The following ZC4H2 variants were observed in gnomAD, a reference collection of about 807,000 sequenced individuals.
ZC4H2 encodes the protein zinc finger C4H2-type containing.
For synonymous variants in ZC4H2, 84 were observed against 66.3 expected, an observed-to-expected ratio of 1.27 and a Z score of -1.30; for missense variants, 137 against 173.9, an observed-to-expected ratio of 0.79 and a Z score of 1.19.
chrX:65,028,010 T>A (rs1240199088), intron 1 of ZC4H2, among the ~76,000 whole-genome samples: 1 of 112,114 alleles, frequency 8.9e-6, no homozygotes, highest in Non-Finnish European at 1.9e-5. Context: ...GTGGTTTTTA[T>A]CCCTCTCTGC....
intron 1 of ZC4H2, among the ~76,000 whole-genome samples, chrX:64,925,310 A>T (rs1602385381): frequency 8.9e-6 from 1 of 112,250 alleles, no homozygotes; most frequent in African/African-American, 3.2e-5. Flanking sequence ...CCTATTGGGT[A>T]CAATGTTCAC....
At chrX:64,932,517 C>A (rs965261722) in intron 1 of ZC4H2, among the ~76,000 whole-genome samples, 4 of 111,458 alleles carry the variant, frequency 3.6e-5, no homozygotes, top group Non-Finnish European at 7.5e-5. Context: ...TTTCTTTCAA[C>A]ATTTAGAACT....
intron 1 of ZC4H2, 77 bp downstream of exon 1, chrX:64,976,248 C>A: frequency 9.0e-7 from 1 of 1,109,016 alleles, no homozygotes; most frequent in Non-Finnish European, 1.2e-6. Flanking sequence ...AGACAAACAG[C>A]CCAACAATAG....
intron 1 of ZC4H2, among the ~76,000 whole-genome samples, chrX:65,018,429 T>G (rs757446240): frequency 8.9e-6 from 1 of 112,047 alleles, no homozygotes; most frequent in Admixed American, 9.4e-5. Context: ...CACAAAGGGT[T>G]GGTGGATTTC....
intron 1 of ZC4H2, among the ~76,000 whole-genome samples, chrX:64,957,804 A>G (rs767124268): frequency 1.4e-4 from 16 of 111,048 alleles, no homozygotes; most frequent in East Asian, 5.7e-4. Flanking sequence ...CAAGGCTTCA[A>G]TGAGCCATGA....
chrX:64,988,663 T>A (rs777272235), intron 1 of ZC4H2, among the ~76,000 whole-genome samples: 1 of 111,171 alleles, frequency 9.0e-6, no homozygotes, highest in Non-Finnish European at 1.9e-5. Context: ...TTTCTCCCAT[T>A]CTGTAGGTTG....
intron 1 of ZC4H2, among the ~76,000 whole-genome samples, chrX:64,997,652 G>A (rs1329493452): frequency 2.7e-5 from 3 of 112,162 alleles, no homozygotes; most frequent in Non-Finnish European, 5.6e-5. Context: ...CTATTGCCCA[G>A]GATGGAGTGC....
intron 1 of ZC4H2, among the ~76,000 whole-genome samples, chrX:64,972,887 C>G (rs980376565): frequency 1.1e-4 from 12 of 111,993 alleles, no homozygotes; most frequent in African/African-American, 3.9e-4. Context: ...ATTTATAGTA[C>G]TTTCTCCATT....
chrX:65,020,682 A>G (rs1409342623), intron 1 of ZC4H2, among the ~76,000 whole-genome samples: 1 of 111,844 alleles, frequency 8.9e-6, no homozygotes, highest in Admixed American at 9.5e-5. Flanking sequence ...CAAAGATAAC[A>G]ATATTAACCT....
chrX:64,945,192 T>A (rs1930470080), intron 1 of ZC4H2, among the ~76,000 whole-genome samples: 1 of 112,976 alleles, frequency 8.9e-6, no homozygotes, highest in Admixed American at 9.3e-5. Flanking sequence ...TTTTTTGCAC[T>A]GGTTTTTCCT....
upstream of ZC4H2, among the ~76,000 whole-genome samples, chrX:64,981,426 A>G (rs1161535651): frequency 1.8e-5 from 2 of 111,183 alleles, no homozygotes; most frequent in African/African-American, 6.5e-5. Context: ...TTACAGTAGT[A>G]ATAGTAGATA....
rs775538589 is a variant in ZC4H2 at position 65,024,830 on chromosome X, C to T, written c.-272+9799G>A. 3.1e-4 allele frequency among the ~76,000 whole-genome samples: 35 copies of T among 111,392 alleles called. 1 individual carries two copies. The Admixed American group carries it at 3.2e-3, about 10-fold the overall frequency. On this transcript the variant is annotated intron_variant, in intron 1 of 4. Transcript: ENST00000337990. ...CCACATATTCTCACTTGTAAGTTGC[C>T]GCTAAACATTGAGTAGACATGAATG...
rs58094683 is a variant in ZC4H2 at position 64,999,039 on chromosome X, GTTTTTTTTTTTTT to G, written c.-272+35577_-272+35589del. The stretch of plus-strand genomic sequence containing the variant: ...TAGACAGCATACAGTTGGATTATGT[GTTTTTTTTTTTTT>G]TTTTTTTTTTTTTTTTAATCTATTC... On this transcript the variant is annotated intron_variant, in intron 1 of 4. Coordinates refer to the ZC4H2 transcript ENST00000337990. Among the ~76,000 whole-genome samples, 26 of 11,852 alleles carry G rather than the reference GTTTTTTTTTTTTT, an allele frequency of 2.2e-3. 1 individual carries two copies. In the South Asian group the frequency reaches 0.14, roughly 66 times the overall value. The allele number at this position is 11,852 out of a possible 115,157, so 10.3% of individuals were successfully genotyped here.
chrX:64,972,783 T>C lies in ZC4H2; in HGVS notation c.53+3542A>G, dbSNP rs201043306. On this transcript the variant is annotated intron_variant, in intron 1 of 4. Transcript: ENST00000374839. ...AAATTAAAAGGTGCTTGACAAATGT[T>C]AGTTCCTTTCTTCAGTTTCTTTGAC... Among the ~76,000 whole-genome samples, 44 of 111,933 alleles carry C rather than the reference T, an allele frequency of 3.9e-4. No homozygotes were observed. In the East Asian group the frequency reaches 0.011, roughly 29 times the overall value.
Position 64,999,769 on chromosome X carries a change from C to T in ZC4H2, c.-272+34860G>A, listed in dbSNP as rs749615285. On this transcript the variant is annotated intron_variant, in intron 1 of 4. Coordinates refer to the ZC4H2 transcript ENST00000337990. ...GCTTGGTAGGGGGACGGGCATCCACCATTACTGAGGCTTGAGTAGGCACTT... is the reference window on the plus strand; with the variant it reads ...GCTTGGTAGGGGGACGGGCATCCACTATTACTGAGGCTTGAGTAGGCACTT... Among the ~76,000 whole-genome samples, 13 of 112,122 alleles carry T rather than the reference C, an allele frequency of 1.2e-4. No individual in the cohort carries two copies. In the East Asian group the frequency reaches 3.7e-3, roughly 32 times the overall value.
At chrX:64,964,188 G>A (rs1251676828) in intron 1 of ZC4H2, among the ~76,000 whole-genome samples, 1 of 107,911 alleles carries the variant, frequency 9.3e-6, no homozygotes, top group Admixed American at 9.9e-5. Context: ...CAAGTTCTGT[G>A]ACCTTACCAC....
At chrX:64,923,045 AT>A (rs1929278445) in intron 1 of ZC4H2, among the ~76,000 whole-genome samples, 1 of 111,773 alleles carries the variant, frequency 8.9e-6, no homozygotes, top group South Asian at 3.8e-4. Flanking sequence ...TTGGGAATAT[AT>A]TTTAAGGAGG....
intron 1 of ZC4H2, among the ~76,000 whole-genome samples, chrX:65,007,766 A>C (rs1036230258): frequency 4.5e-5 from 5 of 111,934 alleles, no homozygotes; most frequent in Non-Finnish European, 9.4e-5. Context: ...AGATGAATGA[A>C]ACTAGACCCC....
chrX:64,922,991 C>A (rs1346272372), intron 1 of ZC4H2, among the ~76,000 whole-genome samples: 1 of 111,598 alleles, frequency 9.0e-6, no homozygotes, highest in Non-Finnish European at 1.9e-5. Flanking sequence ...TGGTTTTGGT[C>A]ATTAAATCCC....
Sources: gnomAD v4.1 joint callset for allele counts (sites outside exome capture counted in the v4.1 genomes callset) on GRCh38, gnomAD v4.1.1 for gene constraint, MANE v1.5 for transcripts, NCBI Gene and HGNC (gene_info 2026-07-23, HGNC 2026-07-21) for gene names.